ABHD14B: variants seen among roughly 807,000 people sequenced by gnomAD.
The protein encoded by ABHD14B is putative protein-lysine deacylase ABHD14B.
A neutral mutation model predicts 15.4 loss-of-function variants in ABHD14B; 19 were observed. The observed-to-expected ratio is 1.23, with a 90% CI of 0.86 to 1.81. ABHD14B has a LOEUF of 1.81. Ranked by LOEUF, ABHD14B falls within the 40% of genes most tolerant of loss-of-function variation. ABHD14B has a pLI of 0.00. For synonymous variants in ABHD14B, 92 were observed against 117.3 expected, an observed-to-expected ratio of 0.78 and a Z score of 1.39; for missense variants, 243 against 267.0, an observed-to-expected ratio of 0.91 and a Z score of 0.63.
rs1700595733 is a variant in ABHD14B at position 51,969,186 on chromosome 3, C to T, written c.*240G>A. ...GGAGAAGCTCATGTAATGGATTACC[C>T]TCCACAGGATTATGTTCCTTGATTC... is the stretch of plus-strand genomic sequence containing the variant. On this transcript the variant is annotated 3_prime_UTR_variant, in exon 4 of 4. Coordinates refer to ENST00000361143, the MANE Select transcript of ABHD14B (RefSeq NM_001146314.2). The T allele has an allele frequency of 2.3e-6, 1 of 435,146 alleles. No individual in the cohort carries two copies. The highest frequency in any genetic ancestry group is 3.9e-5 in the South Asian group (1 of 25,412). The allele number at this position is 435,146 out of a possible 1,614,324, so 27.0% of individuals were successfully genotyped here.
At chr3:51,970,939 G>C (rs1354921653) in intron 2 of ABHD14B, among the ~76,000 whole-genome samples, 1 of 152,244 alleles carries the variant, frequency 6.6e-6, no homozygotes, top group Non-Finnish European at 1.5e-5. Flanking sequence ...TCAGGGCTTT[G>C]CATGTGGGAT....
chr3:51,971,947 T>C, intron 1 of ABHD14B: 1 of 754,478 alleles, frequency 1.3e-6, no homozygotes, highest in East Asian at 4.9e-5. Flanking sequence ...TAATTAAAAG[T>C]TTAAGAAAAA....
upstream of ABHD14B, chr3:51,974,050 G>T (rs1320785398): frequency 1.6e-6 from 2 of 1,287,216 alleles, no homozygotes; most frequent in Non-Finnish European, 2.0e-6. Flanking sequence ...CTGGGAAGAG[G>T]CCGGGCCCCA....
Position 51,971,582 on chromosome 3 carries a change from T to C in ABHD14B, c.89A>G (p.Gln30Arg). 2 of 1,613,608 alleles carry C rather than the reference T, an allele frequency of 1.2e-6. No homozygotes were observed. Among genetic ancestry groups the C allele is most frequent in the Non-Finnish European group, 8.5e-7 (1 of 1,179,966 alleles). The change falls in exon 2 of 4, where the codon CAG becomes CGG. Residue 30 changes from glutamine to arginine, a missense_variant. Coordinates refer to ENST00000361143, the MANE Select transcript of ABHD14B (RefSeq NM_001146314.2). ...CAGCAGCAGTACAGAGAAGCGAGCC[T>C]GCCCACTGCCGGGCAGGGCCTCTCG... ...FFREALPGSG[Q>R]ARFSVLLLHG...
intron 2 of ABHD14B, 93 bp downstream of exon 2, chr3:51,971,367 C>T: frequency 7.2e-7 from 1 of 1,380,606 alleles, no homozygotes; most frequent in Non-Finnish European, 9.6e-7. Flanking sequence ...GCCCCCACCC[C>T]TGGAGTGGGG....
At position 51,973,982 on chromosome 3, in the gene ABHD14B, C is replaced by G. The variant is rs1360267356; in HGVS notation, c.-46G>C. ...GCGGGTACCTGGGGAGCTGCGTGGA[C>G]TCGCGCAGACGGGAAGCAGGCGCGT... On this transcript the variant is annotated 5_prime_UTR_variant, in exon 1 of 4. Coordinates refer to ENST00000361143, the MANE Select transcript of ABHD14B (RefSeq NM_001146314.2). 2.3e-6 allele frequency: 3 copies of G among 1,289,372 alleles called. No individual in the cohort carries two copies. The highest frequency in any genetic ancestry group is 1.1e-4 in the East Asian group (2 of 18,036). 79.9% of individuals were successfully genotyped at this position (1,289,372 alleles called of 1,614,324 possible).
At chr3:51,973,505 GTTTT>G (rs549700735) in intron 1 of ABHD14B, among the ~76,000 whole-genome samples, 1 of 126,828 alleles carries the variant, frequency 7.9e-6, no homozygotes, top group Non-Finnish European at 1.6e-5. Context: ...ATTTTCTTCG[GTTTT>G]TTTTTTTTTC....
In ABHD14B at chr3:51,974,006, G is replaced by T. The variant is rs745734376; in HGVS notation, c.-70C>A. On this transcript the variant is annotated 5_prime_UTR_variant, in exon 1 of 4. Coordinates refer to ENST00000361143, the MANE Select transcript of ABHD14B (RefSeq NM_001146314.2). ...ACTCGCGCAGACGGGAAGCAGGCGC[G>T]TGCTGGCGGTGACCTGGGGCCGGAG... 1 of 1,289,068 alleles carries T rather than the reference G, an allele frequency of 7.8e-7. No individual in the cohort carries two copies. The highest frequency in any genetic ancestry group is 1.0e-6 in the Non-Finnish European group (1 of 988,822). The allele number at this position is 1,289,068 out of a possible 1,614,324, so 79.9% of individuals were successfully genotyped here.
chr3:51,972,039 G>C (rs552998387), intron 1 of ABHD14B: 1 of 185,710 alleles, frequency 5.4e-6, no homozygotes, highest in African/African-American at 2.4e-5. Flanking sequence ...GAGGTCAGGA[G>C]TTCAAGACCA....
chr3:51,971,459 C>A lies in ABHD14B; in HGVS notation c.211+1G>T. ...TGCCCAGAAGCCTGCCCCTTAAGTA[C>A]CTGGCAGGTCAATGGCCACAGCCCG... On this transcript the variant is annotated splice_donor_variant, in intron 2 of 3. Coordinates refer to ENST00000361143, the MANE Select transcript of ABHD14B (RefSeq NM_001146314.2). LOFTEE classifies it high-confidence loss of function. 1.9e-6 allele frequency: 3 copies of A among 1,573,424 alleles called. No individual in the cohort carries two copies. Among genetic ancestry groups the A allele is most frequent in the South Asian group, 1.1e-5 (1 of 87,190 alleles).
At chr3:51,970,286 T>C (rs1374493778) in intron 2 of ABHD14B, 102 bp from the exon 3 acceptor site, 15 of 1,466,586 alleles carry the variant, frequency 1.0e-5, no homozygotes, top group Non-Finnish European at 1.4e-5. Context: ...TCAGTTTCTC[T>C]GTGGCCAGGT....
chr3:51,973,269 C>G (rs1051067613), intron 1 of ABHD14B, among the ~76,000 whole-genome samples: 8 of 151,090 alleles, frequency 5.3e-5, no homozygotes, highest in Non-Finnish European at 1.0e-4. Flanking sequence ...CCAGGGTGGT[C>G]TCGATCTCCT....
At position 51,970,046 on chromosome 3, in the gene ABHD14B, G is replaced by C. The variant is rs776168850; in HGVS notation, c.350C>G (p.Ser117Cys). 3 of 1,613,934 alleles carry C rather than the reference G, an allele frequency of 1.9e-6. No individual in the cohort carries two copies. The highest frequency in any genetic ancestry group is 2.7e-5 in the African/African-American group (2 of 74,938). The change falls in exon 3 of 4, where the codon TCC becomes TGC. Residue 117 changes from serine (S) to cysteine (C), a missense_variant. Coordinates refer to ENST00000361143, the MANE Select transcript of ABHD14B (RefSeq NM_001146314.2). The part of the protein sequence containing the change: ...VISPSLSGMY[S>C]LPFLTAPGSQ... ...GCCAGGGGCCGTGAGGAAGGGCAGG[G>C]AGTACATGCCACTCAGTGATGGACT... is the stretch of plus-strand genomic sequence containing the variant.
chr3:51,974,027 C>T lies in ABHD14B; in HGVS notation c.-91G>A, dbSNP rs775570933. The T allele has an allele frequency of 2.3e-6, 3 of 1,288,492 alleles. No homozygotes were observed. Among genetic ancestry groups the T allele is most frequent in the East Asian group, 5.6e-5 (1 of 18,012 alleles). The allele number at this position is 1,288,492 out of a possible 1,614,324, so 79.8% of individuals were successfully genotyped here. On this transcript the variant is annotated 5_prime_UTR_variant, in exon 1 of 4. Transcript: ENST00000361143. ...GCGCGTGCTGGCGGTGACCTGGGGC[C>T]GGAGGAGGAACGCTGGGAAGAGGCC...
At chr3:51,973,919 G>A (rs1398352512) in intron 1 of ABHD14B, 46 bp downstream of exon 1, 1 of 1,289,826 alleles carries the variant, frequency 7.8e-7, no homozygotes, top group Non-Finnish European at 1.0e-6. Flanking sequence ...GGTGGGGTTG[G>A]ATTTTGACTG....
In ABHD14B at chr3:51,971,611, G is replaced by A; in HGVS notation, c.60C>T (p.Phe20=). 9.3e-6 allele frequency: 15 copies of A among 1,613,426 alleles called. No individual in the cohort carries two copies. The highest frequency in any genetic ancestry group is 1.3e-5 in the Non-Finnish European group (15 of 1,179,918). ...GTIQVQGQAL[F]FREALPGSGQ... is the part of the protein sequence containing the mutation. The stretch of plus-strand genomic sequence containing the variant: ...CACTGCCGGGCAGGGCCTCTCGGAA[G>A]AAGAGGGCCTGGCCCTGCACCTGGA... The change falls in exon 2 of 4, where the codon TTC becomes TTT. Residue 20 remains phenylalanine, a synonymous_variant. Transcript: ENST00000361143.
intron 2 of ABHD14B, 92 bp downstream of exon 2, chr3:51,971,368 T>C: frequency 7.3e-7 from 1 of 1,362,370 alleles, no homozygotes; most frequent in African/African-American, 1.5e-5. Context: ...CCCCCACCCC[T>C]GGAGTGGGGA....
chr3:51,969,501 C>G lies in ABHD14B; in HGVS notation c.558G>C (p.Ala186=). 6.2e-7 allele frequency: 1 copy of G among 1,613,980 alleles called. No homozygotes were observed. Residue 186 remains alanine, a synonymous_variant, in exon 4 of 4, where the codon GCG becomes GCC. Coordinates refer to ENST00000361143, the MANE Select transcript of ABHD14B (RefSeq NM_001146314.2). ...PNHRVLIMKG[A]GHPCYLDKPE... is the part of the protein sequence containing the mutation. ...GTTTGTCCAGGTAACAGGGGTGCCCCGCCCCCTTCATGATCAGCACCCGGT... is the reference window on the plus strand; with the variant it reads ...GTTTGTCCAGGTAACAGGGGTGCCCGGCCCCCTTCATGATCAGCACCCGGT...
chr3:51,972,522 G>A (rs999148993), intron 1 of ABHD14B, among the ~76,000 whole-genome samples: 6 of 152,120 alleles, frequency 3.9e-5, no homozygotes, highest in Non-Finnish European at 7.3e-5. Flanking sequence ...GCAGTGAGCC[G>A]AGAACGCGCC....
Sources: allele counts gnomAD v4.1 joint callset (sites outside exome capture counted in the v4.1 genomes callset), GRCh38; gene constraint gnomAD v4.1.1; transcripts MANE v1.5; gene names NCBI Gene and HGNC (gene_info 2026-07-23, HGNC 2026-07-21).